The following FREM2 variants were observed in gnomAD, a reference collection of about 807,000 sequenced individuals.
The protein encoded by FREM2 is FRAS1 related extracellular matrix 2.
FREM2 carries 119 observed loss-of-function variants against 219.9 expected under a neutral mutation model. The ratio of observed to expected loss-of-function variants is 0.54; its 90% CI spans 0.47 to 0.63. The LOEUF is 0.63. Among genes scored for constraint, FREM2 ranks in the 30% least tolerant of loss-of-function variants. The pLI is 0.00. For missense variants in FREM2, 4,030 were observed against 3,993.6 expected, an observed-to-expected ratio of 1.01 and a Z score of -0.25; for synonymous variants, 1,562 against 1,522.8, an observed-to-expected ratio of 1.03 and a Z score of -0.60.
intron 6 of FREM2, among the ~76,000 whole-genome samples, chr13:38,815,156 C>A (rs748581419): frequency 7.2e-5 from 11 of 152,132 alleles, no homozygotes; most frequent in Non-Finnish European, 1.2e-4. Flanking sequence ...GTGGAGGGAA[C>A]AAATGGTATA....
chr13:38,747,846 G>A (rs770174609), intron 2 of FREM2, among the ~76,000 whole-genome samples: 30 of 152,150 alleles, frequency 2.0e-4, no homozygotes, highest in Admixed American at 9.2e-4. Context: ...AGTTTATGTT[G>A]CAGCATTATC....
chr13:38,863,881 G>T (rs1261577597), intron 15 of FREM2, among the ~76,000 whole-genome samples: 1 of 152,042 alleles, frequency 6.6e-6, no homozygotes, highest in African/African-American at 2.4e-5. Context: ...TGTCCAGGCT[G>T]GAGTGCAGTG....
intron 10 of FREM2, among the ~76,000 whole-genome samples, chr13:38,851,366 C>A (rs1346357866): frequency 6.6e-6 from 1 of 152,196 alleles, no homozygotes; most frequent in Non-Finnish European, 1.5e-5. Context: ...CTACTCTATA[C>A]ACACCCTTGG....
intron 6 of FREM2, among the ~76,000 whole-genome samples, chr13:38,802,363 CCTT>C (rs1409386555): frequency 1.3e-5 from 2 of 152,196 alleles, no homozygotes; most frequent in African/African-American, 4.8e-5. Context: ...CCTCTTCTCT[CCTT>C]TTTTGGCCCA....
At chr13:38,852,197 T>G (rs907107282) in intron 11 of FREM2, among the ~76,000 whole-genome samples, 3 of 152,158 alleles carry the variant, frequency 2.0e-5, no homozygotes, top group Non-Finnish European at 4.4e-5. Flanking sequence ...CGTGTACACA[T>G]TATTTAGCTA....
At chr13:38,814,547 G>A (rs530618341) in intron 6 of FREM2, among the ~76,000 whole-genome samples, 17 of 152,230 alleles carry the variant, frequency 1.1e-4, no homozygotes, top group Middle Eastern at 3.4e-3. Context: ...GGAACCTGGG[G>A]TGTGGTGAGG....
In FREM2 at chr13:38,722,744, C is replaced by T. The variant is rs113447120; in HGVS notation, c.5263+24957C>T. Among the ~76,000 whole-genome samples the T allele has an allele frequency of 8.7e-3, 1,042 of 120,028 alleles. 16 individuals carry two copies. The highest frequency in any genetic ancestry group is 0.033 in the African/African-American group (992 of 29,676). 78.7% of individuals were successfully genotyped at this position (120,028 alleles called of 152,430 possible). A position where few individuals can be genotyped will look rare whatever the true frequency, so the allele number is the denominator to read the frequency against. On this transcript the variant is annotated intron_variant, in intron 2 of 23. Coordinates refer to ENST00000280481, the MANE Select transcript of FREM2 (RefSeq NM_207361.6). ...ATCAAGCAGAGGGTGTAGCTGGTAACGTTTTTTTTTTTTTTTCATCCTACT... is the reference window on the plus strand; with the variant it reads ...ATCAAGCAGAGGGTGTAGCTGGTAATGTTTTTTTTTTTTTTTCATCCTACT...
intron 14 of FREM2, among the ~76,000 whole-genome samples, chr13:38,860,609 T>C (rs1191132576): frequency 6.6e-6 from 1 of 152,234 alleles, no homozygotes; most frequent in Non-Finnish European, 1.5e-5. Context: ...GGCCTGACTC[T>C]GATTTCCTTG....
intron 2 of FREM2, among the ~76,000 whole-genome samples, chr13:38,702,483 A>G (rs1181458898): frequency 6.6e-6 from 1 of 152,190 alleles, no homozygotes; most frequent in African/African-American, 2.4e-5. Context: ...AGTAGAAGAC[A>G]ATACCAGCAA....
In FREM2 at chr13:38,858,035, T is replaced by C. The variant is rs1877626688; in HGVS notation, c.7215+2T>C. The C allele has an allele frequency of 6.2e-7, 1 of 1,612,584 alleles. No individual in the cohort carries two copies. Among genetic ancestry groups the C allele is most frequent in the Non-Finnish European group, 8.5e-7 (1 of 1,178,836 alleles). On this transcript the variant is annotated splice_donor_variant, in intron 13 of 23. Coordinates refer to ENST00000280481, the MANE Select transcript of FREM2 (RefSeq NM_207361.6). LOFTEE classifies it high-confidence loss of function. ...GGCTATCCTGTCATCTGTATCACAG[T>C]GAGTAGGAGATTCACAAAATTGAGG...
rs549341049 is a variant in FREM2, at chr13:38,778,659, C to T, written c.5642-4411C>T. Among the ~76,000 whole-genome samples, 112 of 151,922 alleles carry T rather than the reference C, an allele frequency of 7.4e-4. 4 individuals are homozygous for T. The highest frequency in any genetic ancestry group is 2.0e-4 in the Admixed American group (3 of 15,250). ...GGCATTTCAGAAGGTGGAGGGTGGG[C>T]GGAGGAAGAAGATCAGGAAAAATAA... is the stretch of plus-strand genomic sequence containing the variant. On this transcript the variant is annotated intron_variant, in intron 4 of 23. Transcript: ENST00000280481.
chr13:38,808,936 A>G (rs1257337618), intron 6 of FREM2, among the ~76,000 whole-genome samples: 1 of 151,796 alleles, frequency 6.6e-6, no homozygotes, highest in Non-Finnish European at 1.5e-5. Flanking sequence ...AACACAATAT[A>G]AGGAGGTATG....
At position 38,886,359 on chromosome 13, in the gene FREM2, C is replaced by T. The variant is rs1878727176; in HGVS notation, c.*5572C>T. On this transcript the variant is annotated 3_prime_UTR_variant, in exon 24 of 24. Coordinates refer to ENST00000280481, the MANE Select transcript of FREM2 (RefSeq NM_207361.6). Reference sequence around the variant, plus strand: ...ATATACACACACACACACATACACACACATATATGTACATACATATATATA... The same window carrying T: ...ATATACACACACACACACATACACATACATATATGTACATACATATATATA... 1 of 151,770 alleles carries T rather than the reference C, an allele frequency of 6.6e-6. No homozygotes were observed. The highest frequency in any genetic ancestry group is 2.4e-5 in the African/African-American group (1 of 41,306). The allele number at this position is 151,770 out of a possible 1,614,324, so 9.4% of individuals were successfully genotyped here.
chr13:38,865,166 A>G (rs928255207), intron 16 of FREM2, among the ~76,000 whole-genome samples: 16 of 152,134 alleles, frequency 1.1e-4, no homozygotes, highest in African/African-American at 3.9e-4. Context: ...TATCATTAAC[A>G]TAGTCAGAAG....
At chr13:38,859,667 A>G (rs1593450288) in intron 14 of FREM2, 77 bp downstream of exon 14, 3 of 1,279,116 alleles carry the variant, frequency 2.3e-6, no homozygotes, top group East Asian at 4.8e-5. Flanking sequence ...CTGGTTATTA[A>G]TACTTCCAAT....
chr13:38,702,831 G>A (rs898681475), intron 2 of FREM2, among the ~76,000 whole-genome samples: 3 of 152,090 alleles, frequency 2.0e-5, no homozygotes, highest in African/African-American at 7.2e-5. Context: ...TGAAACTGGG[G>A]CGGCAGACAT....
rs1307930437 is a variant in FREM2, at chr13:38,848,338, TAG to T, written c.6170-120_6170-119del. ...GCCTTTTATTAAATGTACTTTTCTG[TAG>T]AGTTATGCTGGTCTCTATTTTTTAA... is the stretch of plus-strand genomic sequence containing the variant. On this transcript the variant is annotated intron_variant, in intron 7 of 23. Coordinates refer to ENST00000280481, the MANE Select transcript of FREM2 (RefSeq NM_207361.6). 7 of 758,950 alleles carry T rather than the reference TAG, an allele frequency of 9.2e-6. No homozygotes were observed. In the African/African-American group the frequency reaches 1.2e-4, roughly 13 times the overall value. 47.0% of individuals were successfully genotyped at this position (758,950 alleles called of 1,614,324 possible).
chr13:38,825,869 T>A (rs564177777), intron 6 of FREM2, among the ~76,000 whole-genome samples: 6 of 152,276 alleles, frequency 3.9e-5, no homozygotes, highest in African/African-American at 1.4e-4. Flanking sequence ...ATTTTTAAAT[T>A]GTATTTTAAA....
chr13:38,764,780 C>A (rs907171872), intron 3 of FREM2, among the ~76,000 whole-genome samples: 2 of 152,168 alleles, frequency 1.3e-5, no homozygotes, highest in Non-Finnish European at 2.9e-5. Context: ...ACATGAGTAT[C>A]GTGACCTTTC....
Sources: allele counts gnomAD v4.1 joint callset (sites outside exome capture counted in the v4.1 genomes callset), GRCh38; gene constraint gnomAD v4.1.1; transcripts MANE v1.5; gene names NCBI Gene and HGNC (gene_info 2026-07-23, HGNC 2026-07-21).